Variants in KCNMA1 observed in about 807,000 individuals in gnomAD.
KCNMA1 encodes the protein Calcium-activated potassium channel subunit alpha-1.
Under a neutral mutation model 140.0 loss-of-function variants are expected in KCNMA1, and 29 were observed. That is an observed-to-expected ratio of 0.21 (90% confidence interval 0.15 to 0.28). The LOEUF (loss-of-function observed/expected upper bound fraction) is 0.28, where lower values mean the gene tolerates loss of function less well. KCNMA1 is among the 10% of genes least tolerant of loss of function. The pLI is 1.00. For synonymous variants in KCNMA1, 612 were observed against 611.9 expected (o/e 1.00, Z 0.00); for missense variants, 880 against 1,602.2 (o/e 0.55, Z 7.70).
chr10:76,924,028 T>C (rs1457498408), intron 23 of KCNMA1, among the ~76,000 whole-genome samples: 1 of 152,124 alleles, frequency 6.6e-6, no homozygotes, highest in Non-Finnish European at 1.5e-5. Context: ...TAATGAGACA[T>C]ACTTGCTTGG....
intron 5 of KCNMA1, among the ~76,000 whole-genome samples, chr10:77,139,489 G>T (rs986589394): frequency 6.6e-6 from 1 of 152,168 alleles, no homozygotes; most frequent in African/African-American, 2.4e-5. Flanking sequence ...CTTATTGCTT[G>T]CCAACTGGAA....
intron 1 of KCNMA1, among the ~76,000 whole-genome samples, chr10:77,494,415 T>C (rs2041098509): frequency 1.3e-5 from 2 of 152,196 alleles, no homozygotes; most frequent in African/African-American, 4.8e-5. Flanking sequence ...CAGCCTCGCT[T>C]ACTGCCAGAC....
intron 9 of KCNMA1, chr10:77,091,373 T>A (rs1394992558): frequency 6.6e-6 from 1 of 152,252 alleles, no homozygotes; most frequent in African/African-American, 2.4e-5. Flanking sequence ...CCACAACTGT[T>A]GAGACTGACA....
intron 18 of KCNMA1, among the ~76,000 whole-genome samples, chr10:77,007,653 GTATATATA>G (rs60937323): frequency 1.5e-4 from 13 of 88,464 alleles, no homozygotes; most frequent in Non-Finnish European, 1.6e-4. Context: ...TTGTGTGTGT[GTATATATA>G]TATATATATA....
chr10:76,968,797 G>A (rs2074967530), intron 20 of KCNMA1, among the ~76,000 whole-genome samples: 1 of 152,196 alleles, frequency 6.6e-6, no homozygotes, highest in Admixed American at 6.5e-5. Context: ...AAGGAGTTGG[G>A]CAGGGTGAGT....
rs796409334 is a variant in KCNMA1, at chr10:77,082,571, AT to A, written c.1523+2065del. On this transcript the variant is annotated intron_variant, in intron 12 of 27. Coordinates refer to ENST00000286628, the MANE Select transcript of KCNMA1 (RefSeq NM_001161352.2). ...GAAGCCAGGTTCCTTAAAGGGTTAC[AT>A]TTTTTTTTTTAAATCATTTCCAATG... 3.0e-3 allele frequency among the ~76,000 whole-genome samples: 441 copies of A among 148,726 alleles called. 5 individuals are homozygous for A. Among genetic ancestry groups the A allele is most frequent in the African/African-American group, 6.0e-3 (243 of 40,704 alleles).
At chr10:76,911,709 T>A (rs2050349453) in intron 24 of KCNMA1, 1 of 152,260 alleles carries the variant, frequency 6.6e-6, no homozygotes, top group African/African-American at 2.4e-5. Context: ...AGCTTCCCTC[T>A]GCCTCTCTTG....
intron 2 of KCNMA1, among the ~76,000 whole-genome samples, chr10:77,356,999 A>G (rs1227157978): frequency 6.6e-6 from 1 of 152,232 alleles, no homozygotes; most frequent in Non-Finnish European, 1.5e-5. Flanking sequence ...AGCCAATATG[A>G]TATGCATTTG....
chr10:76,909,932 C>T, intron 25 of KCNMA1, 34 bp downstream of exon 25: 1 of 1,608,140 alleles, frequency 6.2e-7, no homozygotes, highest in Non-Finnish European at 8.5e-7. Flanking sequence ...CATCCTCCAC[C>T]CTTGAGTGAG....
chr10:76,987,984 C>A (rs996425766), intron 19 of KCNMA1, among the ~76,000 whole-genome samples: 3 of 152,084 alleles, frequency 2.0e-5, no homozygotes, highest in Non-Finnish European at 2.9e-5. Flanking sequence ...TGAAGGGCAA[C>A]AATGGCAGAC....
intron 6 of KCNMA1, among the ~76,000 whole-genome samples, chr10:77,116,318 T>G (rs2097463741): frequency 6.6e-6 from 1 of 152,124 alleles, no homozygotes. Context: ...TAGAGACCTC[T>G]TCCAAGAAAC....
chr10:76,872,496 T>G (rs1167549389), downstream of KCNMA1: 23 of 152,238 alleles, frequency 1.5e-4, no homozygotes, highest in Admixed American at 1.5e-3. Flanking sequence ...ACTTTCTAAA[T>G]CAAGTTTCAA....
At chr10:76,936,977 A>G (rs1007340108) in intron 23 of KCNMA1, among the ~76,000 whole-genome samples, 8 of 152,216 alleles carry the variant, frequency 5.3e-5, no homozygotes, top group African/African-American at 1.9e-4. Context: ...CAAATCATAT[A>G]AAACACAGAT....
intron 25 of KCNMA1, chr10:76,903,773 G>A (rs1485819436): frequency 6.6e-6 from 1 of 152,206 alleles, no homozygotes; most frequent in East Asian, 1.9e-4. Context: ...GGCCCTTAAT[G>A]AAAGTACAGG....
At chr10:77,392,828 C>G (rs1009419155) in intron 2 of KCNMA1, among the ~76,000 whole-genome samples, 2 of 152,206 alleles carry the variant, frequency 1.3e-5, no homozygotes, top group Admixed American at 1.3e-4. Context: ...TGCAGATGTG[C>G]CCTCCGAAAC....
intron 23 of KCNMA1, among the ~76,000 whole-genome samples, chr10:76,919,144 C>T (rs2054268311): frequency 6.6e-6 from 1 of 152,084 alleles, no homozygotes; most frequent in Non-Finnish European, 1.5e-5. Flanking sequence ...CAACAGACTT[C>T]AGGGACTTAG....
chr10:77,496,349 C>G (rs2041916637), intron 1 of KCNMA1, among the ~76,000 whole-genome samples: 1 of 152,116 alleles, frequency 6.6e-6, no homozygotes, highest in Non-Finnish European at 1.5e-5. Flanking sequence ...GTAATCCCAG[C>G]ACTTTGGGAG....
At chr10:77,519,230 T>G (rs1283122089) in intron 1 of KCNMA1, among the ~76,000 whole-genome samples, 2 of 152,218 alleles carry the variant, frequency 1.3e-5, no homozygotes, top group African/African-American at 2.4e-5. Context: ...CAGAGGGGAT[T>G]AAGGCAACCT....
chr10:77,630,430 C>A (rs1417039762), intron 1 of KCNMA1, among the ~76,000 whole-genome samples: 1 of 152,184 alleles, frequency 6.6e-6, no homozygotes, highest in Non-Finnish European at 1.5e-5. Context: ...CACAACCCAA[C>A]CCTAAATCCA....
Sources: gnomAD v4.1 joint callset for allele counts (sites outside exome capture counted in the v4.1 genomes callset) on GRCh38, gnomAD v4.1.1 for gene constraint, MANE v1.5 for transcripts, NCBI Gene and HGNC (gene_info 2026-07-23, HGNC 2026-07-21) for gene names.